LIN9: variants seen among roughly 807,000 people sequenced by gnomAD.
LIN9 encodes lin-9 DREAM MuvB core complex component, also known as protein lin-9 homolog.
A neutral mutation model predicts 78.0 loss-of-function variants in LIN9; 18 were observed. The ratio of observed to expected loss-of-function variants is 0.23; its 90% CI spans 0.16 to 0.34. The LOEUF is 0.34. LIN9 is among the 10% of genes least tolerant of loss of function. The pLI, the probability that LIN9 is intolerant of heterozygous loss-of-function variation, is 1.00. For missense variants in LIN9, 451 were observed against 644.1 expected (o/e 0.70, Z 3.25); for synonymous variants, 192 against 215.2 (o/e 0.89, Z 0.94).
intron 10 of LIN9, among the ~76,000 whole-genome samples, chr1:226,254,106 A>AT (rs1018912187): frequency 1.5e-4 from 23 of 151,836 alleles, no homozygotes; most frequent in Non-Finnish European, 2.6e-4. Context: ...TAATTTTTGT[A>AT]TTTTTTTGTA....
intron 6 of LIN9, among the ~76,000 whole-genome samples, chr1:226,279,333 G>A (rs907829068): frequency 9.9e-5 from 15 of 151,178 alleles, no homozygotes; most frequent in Middle Eastern, 3.4e-3. Flanking sequence ...TAGGCATAAT[G>A]GTGTGCATCC....
At chr1:226,278,597 G>T (rs542877660) in intron 6 of LIN9, among the ~76,000 whole-genome samples, 5 of 151,642 alleles carry the variant, frequency 3.3e-5, no homozygotes, top group Non-Finnish European at 5.9e-5. Context: ...GCCACGGCGG[G>T]TGGATGACCT....
rs745964431 is a variant in LIN9, at chr1:226,265,683, T to C, written c.937-49A>G. The C allele has an allele frequency of 9.9e-7, 1 of 1,009,844 alleles. No homozygotes were observed. Among genetic ancestry groups the C allele is most frequent in the South Asian group, 1.4e-5 (1 of 69,166 alleles). The allele number at this position is 1,009,844 out of a possible 1,614,324, so 62.6% of individuals were successfully genotyped here. ...TTAATCATTGACTATTCAGAGGAAG[T>C]ATCTTATTTTTTTATTTTTATTTTT... On this transcript the variant is annotated intron_variant, in intron 9 of 14. Coordinates refer to ENST00000681046, the MANE Select transcript of LIN9 (RefSeq NM_001366245.2). This position sits in a 1 kb window ranked among gnomAD's most constrained non-coding sequence, Gnocchi z 4.1.
In LIN9 at chr1:226,300,181, G is replaced by A. The variant is rs1000490239; in HGVS notation, c.64+992C>T. Among the ~76,000 whole-genome samples the A allele has an allele frequency of 3.3e-5, 5 of 152,064 alleles. No individual in the cohort carries two copies. The East Asian group carries it at 7.8e-4, about 24-fold the overall frequency. On this transcript the variant is annotated intron_variant, in intron 2 of 14. Transcript: ENST00000681046. The stretch of plus-strand genomic sequence containing the variant: ...ACGAACTCCTGAGCTCAAGTGGTCC[G>A]CCTGCCTCAGCCTCCCAAAGTGCCG...
intron 7 of LIN9, among the ~76,000 whole-genome samples, chr1:226,270,013 C>G (rs1182898300): frequency 1.3e-5 from 2 of 152,166 alleles, no homozygotes; most frequent in African/African-American, 4.8e-5. Flanking sequence ...ACCTCCACCT[C>G]CCGGGTTCAA....
At chr1:226,289,356 G>GTA (rs1262576422) in intron 4 of LIN9, among the ~76,000 whole-genome samples, 1 of 152,036 alleles carries the variant, frequency 6.6e-6, no homozygotes, top group Admixed American at 6.6e-5. Context: ...GTGTGTGTGT[G>GTA]TTTTGGTTTT....
chr1:226,232,687 G>T lies in LIN9; in HGVS notation c.1524-81C>A, dbSNP rs540097440. The stretch of plus-strand genomic sequence containing the variant: ...TTTTTAAAAGAAGACCTGAATTTTA[G>T]TTAGGAAACAGCTATGATAAATCTT... On this transcript the variant is annotated intron_variant, in intron 14 of 14. Coordinates refer to ENST00000681046, the MANE Select transcript of LIN9 (RefSeq NM_001366245.2). 1.2e-5 allele frequency: 9 copies of T among 721,834 alleles called. No individual in the cohort carries two copies. The East Asian group carries it at 2.5e-4, about 20-fold the overall frequency. 44.7% of individuals were successfully genotyped at this position (721,834 alleles called of 1,614,324 possible).
At chr1:226,289,823 A>C (rs1054374128) in intron 4 of LIN9, among the ~76,000 whole-genome samples, 33 of 76,732 alleles carry the variant, frequency 4.3e-4, no homozygotes, top group African/African-American at 1.8e-3. Flanking sequence ...TAGGACAACT[A>C]AGTAGTCCTC....
intron 7 of LIN9, among the ~76,000 whole-genome samples, chr1:226,277,096 C>A (rs1006231638): frequency 1.3e-5 from 2 of 151,482 alleles, no homozygotes; most frequent in Non-Finnish European, 1.5e-5. Context: ...TGTAATCCCG[C>A]ACTTTGGGAA....
intron 1 of LIN9, among the ~76,000 whole-genome samples, chr1:226,305,331 A>C (rs995741995): frequency 2.0e-5 from 3 of 149,724 alleles, no homozygotes; most frequent in Non-Finnish European, 4.4e-5. Context: ...AAAAAAAAAA[A>C]AAAAAAAAAA....
chr1:226,259,363 T>C (rs779755958), intron 10 of LIN9, among the ~76,000 whole-genome samples: 3 of 152,170 alleles, frequency 2.0e-5, no homozygotes, highest in Non-Finnish European at 2.9e-5. Flanking sequence ...GTTGGAGATT[T>C]TGATACCCCT....
At chr1:226,282,673 T>C (rs10799346) in intron 6 of LIN9, among the ~76,000 whole-genome samples, 98,261 of 151,836 alleles carry the variant, frequency 0.65, 32,170 homozygotes, top group East Asian at 0.71. Context: ...ATACAAAAAT[T>C]AGCCAGGCGT....
At chr1:226,248,085 AC>A (rs2102859914) in intron 11 of LIN9, among the ~76,000 whole-genome samples, 1 of 152,260 alleles carries the variant, frequency 6.6e-6, no homozygotes, top group African/African-American at 2.4e-5. Flanking sequence ...TACCTAGTCT[AC>A]TCTTACCAAA....
intron 4 of LIN9, among the ~76,000 whole-genome samples, chr1:226,289,669 T>C (rs1447314565): frequency 6.6e-6 from 1 of 151,934 alleles, no homozygotes; most frequent in East Asian, 1.9e-4. Flanking sequence ...GCCAAAATAA[T>C]TTGATACTAG....
At chr1:226,238,460 A>G (rs971643353) in intron 12 of LIN9, among the ~76,000 whole-genome samples, 1 of 152,052 alleles carries the variant, frequency 6.6e-6, no homozygotes, top group Non-Finnish European at 1.5e-5. Flanking sequence ...GCGAGACTTC[A>G]TCTCTATAAA....
At chr1:226,297,128 T>C (rs934404170) in intron 3 of LIN9, among the ~76,000 whole-genome samples, 2 of 152,172 alleles carry the variant, frequency 1.3e-5, no homozygotes, top group African/African-American at 2.4e-5. Flanking sequence ...GATGATGGAA[T>C]TGACACAGTG....
intron 6 of LIN9, among the ~76,000 whole-genome samples, chr1:226,279,311 A>T (rs948069748): frequency 6.6e-6 from 1 of 151,324 alleles, no homozygotes; most frequent in Non-Finnish European, 1.5e-5. Flanking sequence ...TGCTAAAAAT[A>T]AAAAAATTAG....
chr1:226,271,352 CTCT>C lies in LIN9; in HGVS notation c.683-3265_683-3263del, dbSNP rs915256742. On this transcript the variant is annotated intron_variant, in intron 7 of 14. Transcript: ENST00000681046. ...TAGAGTGACTTTTTAATTCTTTTGG[CTCT>C]TGTTTTTGAGGAAAAATCTACTACT... Among the ~76,000 whole-genome samples the C allele has an allele frequency of 4.6e-5, 7 of 152,230 alleles. No individual in the cohort carries two copies. In the East Asian group the frequency reaches 1.3e-3, roughly 29 times the overall value.
rs1404403354 is a variant in LIN9, at chr1:226,265,403, T to C, written c.1038+130A>G. On this transcript the variant is annotated intron_variant, in intron 10 of 14. Coordinates refer to ENST00000681046, the MANE Select transcript of LIN9 (RefSeq NM_001366245.2). The surrounding 1 kb of genome is among the most constrained non-coding windows in gnomAD (Gnocchi z 4.1). ...TTATAACTTTTATTTTCAGGCTTTG[T>C]TGGAAATAGCAGCTCTTAAAACCTA... 1 of 482,234 alleles carries C rather than the reference T, an allele frequency of 2.1e-6. No homozygotes were observed. Among genetic ancestry groups the C allele is most frequent in the Non-Finnish European group, 3.7e-6 (1 of 269,284 alleles). 29.9% of individuals were successfully genotyped at this position (482,234 alleles called of 1,614,324 possible).
Sources: allele counts gnomAD v4.1 joint callset (sites outside exome capture counted in the v4.1 genomes callset), GRCh38; gene constraint gnomAD v4.1.1; non-coding constraint Gnocchi (gnomAD v3.1); transcripts MANE v1.5; gene names NCBI Gene and HGNC (gene_info 2026-07-23, HGNC 2026-07-21).